Variants in SVOP observed in about 807,000 individuals in gnomAD.
SVOP encodes synaptic vesicle 2-related protein.
In SVOP, 17 loss-of-function variants were observed where a neutral mutation model predicts 69.1. The observed-to-expected ratio is 0.25, with a 90% CI of 0.17 to 0.37. The LOEUF (loss-of-function observed/expected upper bound fraction) is 0.37, where lower values mean the gene tolerates loss of function less well. Ranked by LOEUF, SVOP falls within the 10% of genes least tolerant of loss-of-function variation. SVOP has a pLI of 1.00. For synonymous variants in SVOP, 238 were observed against 238.6 expected (o/e 1.00, Z 0.02); for missense variants, 435 against 597.5 (o/e 0.73, Z 2.84).
rs368306649 is a variant in SVOP at position 108,918,002 on chromosome 12, C to A, written c.1350+41G>T. 1.9e-5 allele frequency: 28 copies of A among 1,488,196 alleles called. No homozygotes were observed. In the East Asian group the frequency reaches 4.7e-4, roughly 25 times the overall value. 92.2% of individuals were successfully genotyped at this position (1,488,196 alleles called of 1,614,324 possible). ...AGCATCCCCCACAGCCACTCTCCCCCCACTGCCCGTTCCCCAGCAGCTCCC... is the reference window on the plus strand; with the variant it reads ...AGCATCCCCCACAGCCACTCTCCCCACACTGCCCGTTCCCCAGCAGCTCCC... On this transcript the variant is annotated intron_variant, in intron 14 of 15. Transcript: ENST00000610966.
intron 1 of SVOP, among the ~76,000 whole-genome samples, chr12:108,994,670 G>A (rs1326284730): frequency 6.6e-6 from 1 of 152,188 alleles, no homozygotes; most frequent in Non-Finnish European, 1.5e-5. Flanking sequence ...CACAGTAAGT[G>A]GCTAAGCCAC....
chr12:108,945,994 C>T (rs1458842174), intron 6 of SVOP, among the ~76,000 whole-genome samples: 1 of 152,210 alleles, frequency 6.6e-6, no homozygotes, highest in Non-Finnish European at 1.5e-5. Context: ...TCAGATTATG[C>T]CAATATCCTG....
chr12:108,923,999 G>T (rs1398199223), intron 11 of SVOP, among the ~76,000 whole-genome samples: 1 of 152,108 alleles, frequency 6.6e-6, no homozygotes, highest in Non-Finnish European at 1.5e-5. Context: ...CCATTGTGTT[G>T]GTATTAAGAG....
chr12:108,939,013 C>A, intron 8 of SVOP, 58 bp from the exon 9 acceptor site: 2 of 1,610,764 alleles, frequency 1.2e-6, no homozygotes, highest in South Asian at 2.2e-5. Context: ...ACAGAGCACT[C>A]GCTTCTAGCC....
chr12:108,935,983 G>GGC, intron 10 of SVOP, among the ~76,000 whole-genome samples: 1 of 151,522 alleles, frequency 6.6e-6, no homozygotes, highest in South Asian at 2.1e-4. Context: ...GTACCCAAGG[G>GGC]GCAATGTGGG....
At chr12:108,916,862 G>C (rs2039717308) in intron 14 of SVOP, among the ~76,000 whole-genome samples, 1 of 152,118 alleles carries the variant, frequency 6.6e-6, no homozygotes, top group African/African-American at 2.4e-5. Context: ...TCCCACCTCA[G>C]CCCCACCCCG....
At chr12:108,921,794 T>C (rs1334719788) in intron 12 of SVOP, among the ~76,000 whole-genome samples, 3 of 152,140 alleles carry the variant, frequency 2.0e-5, no homozygotes, top group Non-Finnish European at 4.4e-5. Context: ...CTGGGCAAAT[T>C]ATGTCACCAC....
chr12:108,939,188 A>T (rs1398293367), intron 8 of SVOP, among the ~76,000 whole-genome samples: 2 of 152,182 alleles, frequency 1.3e-5, no homozygotes, highest in African/African-American at 4.8e-5. Flanking sequence ...ATGATAAGAG[A>T]TCCTACCTCT....
intron 5 of SVOP, 67 bp downstream of exon 5, chr12:108,972,338 C>A: frequency 6.8e-7 from 1 of 1,476,104 alleles, no homozygotes; most frequent in African/African-American, 1.4e-5. Flanking sequence ...AACGGGTTTG[C>A]TACTTGTCCA....
At chr12:108,923,417 T>A (rs1372679597) in intron 11 of SVOP, among the ~76,000 whole-genome samples, 6 of 152,074 alleles carry the variant, frequency 3.9e-5, no homozygotes, top group Non-Finnish European at 8.8e-5. Context: ...CAGCAAGAAT[T>A]TGAAGCTCTC....
rs187759723 is a variant in SVOP, at chr12:108,912,859, T to A, written c.1441-118A>T. The A allele has an allele frequency of 1.3e-5, 14 of 1,040,882 alleles. No individual in the cohort carries two copies. The African/African-American group carries it at 1.9e-4, about 14-fold the overall frequency. The allele number at this position is 1,040,882 out of a possible 1,614,324, so 64.5% of individuals were successfully genotyped here. On this transcript the variant is annotated intron_variant, in intron 15 of 15. Transcript: ENST00000610966. ...CGTGATATCTGCTTGCTAAAAAGGA[T>A]CTGGTGATTCCCTCCTCTCCCCCTT...
intron 11 of SVOP, among the ~76,000 whole-genome samples, chr12:108,929,994 A>G (rs2039806063): frequency 6.6e-6 from 1 of 151,966 alleles, no homozygotes; most frequent in African/African-American, 2.4e-5. Context: ...CCACCCAGGT[A>G]TAAGAGAGAG....
chr12:108,932,618 A>G lies in SVOP; in HGVS notation c.1048+1577T>C, dbSNP rs1402589039. Reference sequence around the variant, plus strand: ...TACTGAACGAATCCCTTCTTGGCCAAGGGGACCCCAGAGAAACCTGAAAAA... The same window carrying G: ...TACTGAACGAATCCCTTCTTGGCCAGGGGGACCCCAGAGAAACCTGAAAAA... On this transcript the variant is annotated intron_variant, in intron 11 of 15. Transcript: ENST00000610966. 2.0e-5 allele frequency among the ~76,000 whole-genome samples: 3 copies of G among 152,154 alleles called. No homozygotes were observed. The East Asian group carries it at 5.8e-4, about 29-fold the overall frequency.
At position 108,912,527 on chromosome 12, in the gene SVOP, A is replaced by C. The variant is rs1481470730; in HGVS notation, c.*8T>G. On this transcript the variant is annotated 3_prime_UTR_variant, in exon 16 of 16. Transcript: ENST00000610966. ...GCCTCAAAGACCAGCTCAGTCCCCC[A>C]TCGGTCACTATTCCTGAGAGCCAGA... 1.9e-6 allele frequency: 3 copies of C among 1,613,740 alleles called. No individual in the cohort carries two copies. Among genetic ancestry groups the C allele is most frequent in the Non-Finnish European group, 1.7e-6 (2 of 1,179,700 alleles).
rs1005870084 is a variant in SVOP, at chr12:108,910,193, A to T, written c.*2342T>A. 6.6e-6 allele frequency: 1 copy of T among 152,060 alleles called. No homozygotes were observed. Among genetic ancestry groups the T allele is most frequent in the Admixed American group, 6.6e-5 (1 of 15,266 alleles). 9.4% of individuals were successfully genotyped at this position (152,060 alleles called of 1,614,324 possible). ...TAGCCAGGATGGTCTCGATCTCCTG[A>T]CCTTGTGATCCGCCCGCCTCGGCCT... On this transcript the variant is annotated 3_prime_UTR_variant, in exon 16 of 16. Transcript: ENST00000610966.
intron 1 of SVOP, among the ~76,000 whole-genome samples, chr12:108,984,240 A>G (rs2040156047): frequency 6.6e-6 from 1 of 152,120 alleles, no homozygotes; most frequent in African/African-American, 2.4e-5. Context: ...CTGGTCTCAA[A>G]CTCCTGAGCT....
intron 1 of SVOP, among the ~76,000 whole-genome samples, chr12:109,003,418 G>A (rs2040285255): frequency 6.6e-6 from 1 of 152,214 alleles, no homozygotes; most frequent in Admixed American, 6.5e-5. Flanking sequence ...CGTCTGTGAA[G>A]TGGGAATGAC....
chr12:108,970,018 G>A (rs902461237), intron 5 of SVOP, among the ~76,000 whole-genome samples: 1 of 152,180 alleles, frequency 6.6e-6, no homozygotes, highest in East Asian at 1.9e-4. Flanking sequence ...TTTCCAGCCT[G>A]CTGCCTCTGG....
At chr12:108,994,209 C>T (rs548017833) in intron 1 of SVOP, among the ~76,000 whole-genome samples, 7 of 152,214 alleles carry the variant, frequency 4.6e-5, no homozygotes, top group South Asian at 2.1e-4. Context: ...TTGGCTGATA[C>T]GGGGCAAGGC....
Sources: gnomAD v4.1 joint callset for allele counts (sites outside exome capture counted in the v4.1 genomes callset) on GRCh38, gnomAD v4.1.1 for gene constraint, MANE v1.5 for transcripts, NCBI Gene and HGNC (gene_info 2026-07-23, HGNC 2026-07-21) for gene names.